Variants in CUX1 observed in about 807,000 individuals in gnomAD.
CUX1 encodes the protein protein CASP.
A neutral mutation model predicts 158.8 loss-of-function variants in CUX1; 31 were observed. That is an observed-to-expected ratio of 0.20 (90% CI 0.15 to 0.26). The LOEUF (loss-of-function observed/expected upper bound fraction) is 0.26. Ranked by LOEUF, CUX1 falls within the 10% of genes least tolerant of loss-of-function variation. CUX1 has a pLI of 1.00. For synonymous variants in CUX1, 879 were observed against 862.1 expected (o/e 1.02, Z -0.34); for missense variants, 1,589 against 2,014.6 (o/e 0.79, Z 4.04).
At chr7:102,003,325 C>CACAT in intron 2 of CUX1, among the ~76,000 whole-genome samples, 1 of 151,652 alleles carries the variant, frequency 6.6e-6, no homozygotes, top group East Asian at 1.9e-4. Context: ...CACACACACA[C>CACAT]ACACACACAC....
chr7:102,173,234 C>A (rs1791930655), intron 10 of CUX1, among the ~76,000 whole-genome samples: 1 of 152,096 alleles, frequency 6.6e-6, no homozygotes, highest in African/African-American at 2.4e-5. Context: ...ATGGTGGGCG[C>A]CTATAATCCC....
intron 8 of CUX1, among the ~76,000 whole-genome samples, chr7:102,126,177 CTGTGTG>C (rs3988138): frequency 3.5e-4 from 48 of 135,542 alleles, no homozygotes; most frequent in African/African-American, 7.9e-4. Flanking sequence ...CCATTTCCGG[CTGTGTG>C]TGTGTGTGTG....
chr7:101,880,400 C>G (rs1180287665), intron 1 of CUX1, among the ~76,000 whole-genome samples: 1 of 152,112 alleles, frequency 6.6e-6, no homozygotes, highest in Non-Finnish European at 1.5e-5. Context: ...CCTTATCACC[C>G]GTTCCCCAGA....
chr7:102,165,345 G>A (rs1001934213), intron 9 of CUX1, among the ~76,000 whole-genome samples: 36 of 147,122 alleles, frequency 2.4e-4, no homozygotes, highest in African/African-American at 8.1e-4. Flanking sequence ...GCGGTTAGGG[G>A]AAAGCTTTTT....
In CUX1 at chr7:101,817,760, G is replaced by A. The variant is rs562853383; in HGVS notation, c.30+91G>A. 7.0e-4 allele frequency: 1,034 copies of A among 1,480,056 alleles called. 7 individuals are homozygous for A. The African/African-American group carries it at 0.013, about 18-fold the overall frequency. The allele number at this position is 1,480,056 out of a possible 1,614,324, so 91.7% of individuals were successfully genotyped here. ...GTGCCCGGGTCCCGCGGCTTAGAAT[G>A]CTCTAGGGCGGCCTGGTGCTCTGGG... On this transcript the variant is annotated intron_variant, in intron 1 of 23. Transcript: ENST00000292535. The surrounding 1 kb of genome is among the most constrained non-coding windows in gnomAD (Gnocchi z 4.1).
At chr7:102,276,950 G>A (rs1554547875) in intron 17 of CUX1, among the ~76,000 whole-genome samples, 1 of 152,014 alleles carries the variant, frequency 6.6e-6, no homozygotes, top group East Asian at 1.9e-4. Context: ...TTATGTTATG[G>A]GTATTATATC....
chr7:101,943,750 C>T (rs1193072643), intron 2 of CUX1, among the ~76,000 whole-genome samples: 2 of 151,658 alleles, frequency 1.3e-5, no homozygotes, highest in African/African-American at 2.4e-5. Context: ...TGTGGAGGCT[C>T]GTGATCTAAT....
intron 2 of CUX1, chr7:101,959,693 CCTCT>C (rs370578704): frequency 2.6e-5 from 4 of 152,096 alleles, no homozygotes; most frequent in African/African-American, 9.6e-5. Flanking sequence ...TTTTTTTTCC[CCTCT>C]CTCTCACAAG....
chr7:102,116,274 C>T (rs1438761316), intron 8 of CUX1, among the ~76,000 whole-genome samples: 7 of 152,208 alleles, frequency 4.6e-5, no homozygotes, highest in African/African-American at 1.7e-4. Context: ...GCCCTTTGCT[C>T]TGGGTCATTT....
chr7:102,234,476 C>T (rs1381674995), intron 22 of CUX1, among the ~76,000 whole-genome samples: 1 of 152,102 alleles, frequency 6.6e-6, no homozygotes, highest in Non-Finnish European at 1.5e-5. Flanking sequence ...GCACTGGGAG[C>T]ACTTTTAACC....
intron 2 of CUX1, among the ~76,000 whole-genome samples, chr7:101,956,819 T>G (rs1809836547): frequency 6.6e-6 from 1 of 152,110 alleles, no homozygotes; most frequent in African/African-American, 2.4e-5. Context: ...CATGGTGGTG[T>G]GCACCAGTAG....
chr7:101,936,095 C>T (rs1254169562), intron 2 of CUX1, among the ~76,000 whole-genome samples: 1 of 152,150 alleles, frequency 6.6e-6, no homozygotes, highest in African/African-American at 2.4e-5. Context: ...TCCCTGCCCT[C>T]GCGGTGCTTA....
rs782241749 is a variant in CUX1, at chr7:102,196,812, C to T, written c.1401C>T (p.Ser467=). The T allele has an allele frequency of 3.1e-6, 5 of 1,614,084 alleles. No homozygotes were observed. In the East Asian group the frequency reaches 1.1e-4, roughly 36 times the overall value. ...ACTTTTTCAGCTCATCCCTGGCAAG[C>T]CCCAGCCTACCCCTGGCTTCTACAG... ...SQDFFSSSLA[S]PSLPLASTGK... Residue 467 remains serine, a synonymous_variant, in exon 15 of 24, where the codon AGC becomes AGT. Transcript: ENST00000292535.
At chr7:102,115,317 A>T (rs1392352843) in intron 8 of CUX1, 44 bp downstream of exon 8, 1 of 1,569,464 alleles carries the variant, frequency 6.4e-7, no homozygotes, top group African/African-American at 1.4e-5. Context: ...CACATTTCTC[A>T]CCTGATTTTG....
chr7:102,078,904 G>A (rs1453513424), intron 4 of CUX1, among the ~76,000 whole-genome samples: 1 of 152,170 alleles, frequency 6.6e-6, no homozygotes, highest in Non-Finnish European at 1.5e-5. Context: ...CTCTCCTGGT[G>A]ACTATCCTTG....
intron 4 of CUX1, among the ~76,000 whole-genome samples, chr7:102,072,119 AAAGC>A (rs1218082528): frequency 6.6e-6 from 1 of 152,242 alleles, no homozygotes; most frequent in Non-Finnish European, 1.5e-5. Flanking sequence ...CAAAATGCAC[AAAGC>A]AAGGAAAGAA....
intron 20 of CUX1, among the ~76,000 whole-genome samples, chr7:102,217,049 A>G (rs1157975345): frequency 6.6e-6 from 1 of 152,236 alleles, no homozygotes; most frequent in Non-Finnish European, 1.5e-5. Context: ...AAGTGTTCGT[A>G]CACACAGCTG....
chr7:101,914,050 T>C (rs1584962978), intron 1 of CUX1, among the ~76,000 whole-genome samples: 2 of 152,038 alleles, frequency 1.3e-5, no homozygotes, highest in East Asian at 3.9e-4. Context: ...TTGGTTTCGG[T>C]TGCTCTTTTT....
intron 1 of CUX1, among the ~76,000 whole-genome samples, chr7:101,820,337 A>G (rs1792325601): frequency 6.6e-6 from 1 of 152,248 alleles, no homozygotes; most frequent in African/African-American, 2.4e-5. Context: ...AGAATCCTAC[A>G]GAGGTAGGTT....
Sources: allele counts gnomAD v4.1 joint callset (sites outside exome capture counted in the v4.1 genomes callset), GRCh38; gene constraint gnomAD v4.1.1; non-coding constraint Gnocchi (gnomAD v3.1); transcripts MANE v1.5; gene names NCBI Gene and HGNC (gene_info 2026-07-23, HGNC 2026-07-21).